ADAMTSL4: variants seen among roughly 807,000 people sequenced by gnomAD.
ADAMTSL4 encodes ADAMTS like 4, also known as ADAMTS-like protein 4.
ADAMTSL4 carries 97 observed loss-of-function variants against 122.8 expected under a neutral mutation model. The observed-to-expected ratio is 0.79, with a 90% CI of 0.67 to 0.93. ADAMTSL4 has a LOEUF of 0.93. Among genes scored for constraint, ADAMTSL4 ranks in the 40% least tolerant of loss-of-function variants. The probability of loss-of-function intolerance (pLI) is 0.00; values close to 1 mark genes in which losing one functional copy is unlikely to be tolerated. For missense variants in ADAMTSL4, 1,408 were observed against 1,453.5 expected (o/e 0.97, Z 0.51); for synonymous variants, 592 against 568.0 (o/e 1.04, Z -0.60).
rs1671942682 is a variant in ADAMTSL4 at position 150,555,551 on chromosome 1, G to A, written c.1357G>A (p.Ala453Thr). Reference protein sequence around the residue: ...CQPGAPDICVAGRCLSPGCDG... With the variant: ...CQPGAPDICVTGRCLSPGCDG... ...GCCTGGAGCCCCTGACATCTGTGTGGCTGGACGCTGTCTGGTGAGGGAAGA... is the reference window on the plus strand; with the variant it reads ...GCCTGGAGCCCCTGACATCTGTGTGACTGGACGCTGTCTGGTGAGGGAAGA... Residue 453 changes from alanine (A) to threonine (T), a missense_variant, in exon 8 of 19, where the codon GCT becomes ACT. By Grantham distance (58) the Ala-to-Thr change is moderately conservative. Transcript: ENST00000271643. The A allele has an allele frequency of 3.7e-6, 6 of 1,613,998 alleles. No homozygotes were observed. Among genetic ancestry groups the A allele is most frequent in the South Asian group, 3.3e-5 (3 of 91,090 alleles).
At position 150,552,959 on chromosome 1, in the gene ADAMTSL4, G is replaced by A. The variant is rs1570923415; in HGVS notation, c.140G>A (p.Trp47Ter). 1 of 1,613,102 alleles carries A rather than the reference G, an allele frequency of 6.2e-7. No individual in the cohort carries two copies. Among genetic ancestry groups the A allele is most frequent in the East Asian group, 2.2e-5 (1 of 44,880 alleles). Residue 47 changes from tryptophan (W) to a stop codon, truncating the protein, a stop_gained, in exon 5 of 19, where the codon TGG becomes TAG. Coordinates refer to ENST00000271643, the MANE Select transcript of ADAMTSL4 (RefSeq NM_019032.6). LOFTEE classifies it high-confidence loss of function. This position sits in a 1 kb window ranked among gnomAD's most constrained non-coding sequence, Gnocchi z 4.0. ...GAGGGCCAGGGCCCCGAAGGTGTCT[G>A]GGGACCTTGGGTCCAGTGGGCCTCT... ...TEEGQGPEGV[W>*]GPWVQWASCS...
At position 150,557,842 on chromosome 1, in the gene ADAMTSL4, C is replaced by G. The variant is rs587664303; in HGVS notation, c.2178-103C>G. 506 of 1,469,794 alleles carry G rather than the reference C, an allele frequency of 3.4e-4. 2 individuals are homozygous for G. The South Asian group carries it at 5.6e-3, about 16-fold the overall frequency. 91.0% of individuals were successfully genotyped at this position (1,469,794 alleles called of 1,614,324 possible). A position where few individuals can be genotyped will look rare whatever the true frequency, so the allele number is the denominator to read the frequency against. On this transcript the variant is annotated intron_variant, in intron 13 of 18. Transcript: ENST00000271643. ...AAACGCCAAACGTGCCCACTCTCCT[C>G]TGAGGCCCCCACGTCCAGTGTGTCT...
At position 150,557,040 on chromosome 1, in the gene ADAMTSL4, G is replaced by A; in HGVS notation, c.1851G>A (p.Gln617=). 1 of 1,607,334 alleles carries A rather than the reference G, an allele frequency of 6.2e-7. No homozygotes were observed. The highest frequency in any genetic ancestry group is 8.5e-7 in the Non-Finnish European group (1 of 1,176,702). ...ENPTPEPPVP[Q]LQPEILRVEP... is the part of the protein sequence containing the mutation. ...CCACCCCAGAGCCCCCTGTCCCCCAGCTTCAGCCGGGTAAGACTCTGACCC... is the reference window on the plus strand; with the variant it reads ...CCACCCCAGAGCCCCCTGTCCCCCAACTTCAGCCGGGTAAGACTCTGACCC... The change falls in exon 11 of 19, where the codon CAG becomes CAA. Residue 617 remains glutamine (Q), a synonymous_variant. Transcript: ENST00000271643.
rs1560291880 is a variant in ADAMTSL4 at position 150,555,023 on chromosome 1, T to G, written c.1235-406T>G. On this transcript the variant is annotated intron_variant, in intron 7 of 18. Coordinates refer to ENST00000271643, the MANE Select transcript of ADAMTSL4 (RefSeq NM_019032.6). ...TTTTTTTTCTGAGACAGAGTCTCAC[T>G]CTGTCACCCAGGCTGGAGTACAGTG... Among the ~76,000 whole-genome samples the G allele has an allele frequency of 2.7e-5, 4 of 146,756 alleles. No individual in the cohort carries two copies. The South Asian group carries it at 8.8e-4, about 32-fold the overall frequency.
chr1:150,551,073 A>C, intron 2 of ADAMTSL4: 1 of 450,226 alleles, frequency 2.2e-6, no homozygotes, highest in Non-Finnish European at 4.5e-6. Flanking sequence ...AGAAGGGGGC[A>C]AAGAGAGTCA....
Position 150,558,583 on chromosome 1 carries a change from C to G in ADAMTSL4, c.2493C>G (p.Pro831=). 2 of 1,613,836 alleles carry G rather than the reference C, an allele frequency of 1.2e-6. No individual in the cohort carries two copies. Among genetic ancestry groups the G allele is most frequent in the African/African-American group, 1.3e-5 (1 of 75,040 alleles). Residue 831 remains proline (P), a synonymous_variant, in exon 15 of 19, where the codon CCC becomes CCG. Transcript: ENST00000271643. Reference sequence around the variant, plus strand: ...GTGCGTCAGGCCCCCCGCAGCCCCCCAGCAGAGAGGCCTGTGACATGGGGC... The same window carrying G: ...GTGCGTCAGGCCCCCCGCAGCCCCCGAGCAGAGAGGCCTGTGACATGGGGC... ...QECASGPPQP[P]SREACDMGPC...
chr1:150,559,917 C>T lies in ADAMTSL4; in HGVS notation c.3088+12C>T. 6.2e-7 allele frequency: 1 copy of T among 1,613,846 alleles called. No individual in the cohort carries two copies. The highest frequency in any genetic ancestry group is 8.5e-7 in the Non-Finnish European group (1 of 1,180,022). ...CAGCCAGCGCCCTGGTAAAGAGCCC[C>T]CTCTCCCCAATCCCCAATACAGTGG... is the stretch of plus-strand genomic sequence containing the variant. On this transcript the variant is annotated intron_variant, in intron 18 of 18. Transcript: ENST00000271643. The surrounding 1 kb of genome is among the most constrained non-coding windows in gnomAD (Gnocchi z 4.1).
intron 13 of ADAMTSL4, 70 bp downstream of exon 13, chr1:150,557,693 C>T (rs1672318883): frequency 6.6e-7 from 1 of 1,520,008 alleles, no homozygotes; most frequent in Non-Finnish European, 8.9e-7. Flanking sequence ...AGAATCTTAC[C>T]TGAACTCTGC....
chr1:150,550,950 T>G, intron 2 of ADAMTSL4: 1 of 456,342 alleles, frequency 2.2e-6, no homozygotes, highest in Non-Finnish European at 4.4e-6. Context: ...GAGGGCTCCC[T>G]GGATTCCTCT....
chr1:150,559,665 C>CCAA lies in ADAMTSL4; in HGVS notation c.2944-95_2944-94insAAC. 1.2e-6 allele frequency: 2 copies of CCAA among 1,601,426 alleles called. No homozygotes were observed. The highest frequency in any genetic ancestry group is 2.2e-5 in the South Asian group (2 of 90,336). On this transcript the variant is annotated intron_variant, in intron 17 of 18. Coordinates refer to ENST00000271643, the MANE Select transcript of ADAMTSL4 (RefSeq NM_019032.6). This position sits in a 1 kb window ranked among gnomAD's most constrained non-coding sequence, Gnocchi z 4.1. ...GATTTCACAATGTCCTAGGAGGGTC[C>CCAA]CCACCACCACCTTTTGGGGAGAGAG...
Position 150,557,577 on chromosome 1 carries a change from C to A in ADAMTSL4, c.2131C>A (p.Pro711Thr), listed in dbSNP as rs770704761. 6.2e-7 allele frequency: 1 copy of A among 1,603,518 alleles called. No homozygotes were observed. The highest frequency in any genetic ancestry group is 1.7e-5 in the Admixed American group (1 of 58,452). ...ACGCAGCTGTGCCGCGGGTGCCAGG[C>A]CCCCAGCCTCCCCTGAACCCTGCCA... ...DERSCAAGAR[P>T]PASPEPCHGT... Residue 711 changes from proline (P) to threonine (T), a missense_variant, in exon 13 of 19, where the codon CCC (proline) becomes ACC (threonine). Coordinates refer to ENST00000271643, the MANE Select transcript of ADAMTSL4 (RefSeq NM_019032.6).
chr1:150,555,628 T>C, intron 8 of ADAMTSL4, 63 bp downstream of exon 8: 2 of 1,575,446 alleles, frequency 1.3e-6, no homozygotes, highest in Middle Eastern at 1.7e-4. Flanking sequence ...CATGCCCCCA[T>C]ATGCATACAC....
rs1281361235 is a variant in ADAMTSL4, at chr1:150,554,528, G to A, written c.1234+61G>A. 13 of 1,605,884 alleles carry A rather than the reference G, an allele frequency of 8.1e-6. No individual in the cohort carries two copies. The highest frequency in any genetic ancestry group is 1.1e-5 in the Non-Finnish European group (13 of 1,176,244). On this transcript the variant is annotated intron_variant, in intron 7 of 18. Coordinates refer to ENST00000271643, the MANE Select transcript of ADAMTSL4 (RefSeq NM_019032.6). This position sits in a 1 kb window ranked among gnomAD's most constrained non-coding sequence, Gnocchi z 4.0. ...TTGGAATTGGGGATGAAGGGGAGAG[G>A]AGATACCTGCTTACTCCCAGCCCTG...
chr1:150,557,322 G>A lies in ADAMTSL4; in HGVS notation c.2034G>A (p.Ala678=), dbSNP rs376824524. ...WKRVGHSACS[A]SCGKGVWRPI... ...GAGTGGGACACTCTGCATGCTCAGC[G>A]TCCTGCGGGAAAGGTGAGACATCAC... The change falls in exon 12 of 19, where the codon GCG becomes GCA. Residue 678 remains alanine (A), a synonymous_variant. Coordinates refer to ENST00000271643, the MANE Select transcript of ADAMTSL4 (RefSeq NM_019032.6). The A allele has an allele frequency of 6.8e-6, 11 of 1,610,944 alleles. No homozygotes were observed. The highest frequency in any genetic ancestry group is 2.7e-5 in the African/African-American group (2 of 74,826).
In ADAMTSL4 at chr1:150,552,210, A is replaced by G; in HGVS notation, c.-79A>G. 6.9e-7 allele frequency: 1 copy of G among 1,456,038 alleles called. No individual in the cohort carries two copies. The highest frequency in any genetic ancestry group is 1.2e-5 in the South Asian group (1 of 80,804). The allele number at this position is 1,456,038 out of a possible 1,614,324, so 90.2% of individuals were successfully genotyped here. ...CCAGGCTTCTGTCCCTGCAGAGAGCACCCTCCACGCCCAGATGCCTGCGTA... is the reference window on the plus strand; with the variant it reads ...CCAGGCTTCTGTCCCTGCAGAGAGCGCCCTCCACGCCCAGATGCCTGCGTA... On this transcript the variant is annotated 5_prime_UTR_variant, in exon 3 of 19. Transcript: ENST00000271643. The surrounding 1 kb of genome is among the most constrained non-coding windows in gnomAD (Gnocchi z 4.0).
At chr1:150,550,034 C>CATG (rs1671237392) in intron 2 of ADAMTSL4, 139 bp downstream of exon 2, 1 of 326,196 alleles carries the variant, frequency 3.1e-6, no homozygotes, top group African/African-American at 2.2e-5. Context: ...AGGGATTCTC[C>CATG]ATGGCTAGGC....
Position 150,553,736 on chromosome 1 carries a change from C to A in ADAMTSL4, c.745C>A (p.Leu249Ile). ...GGCCCCCAGAACCAGGCCTGCCCCC[C>A]TACGGCATCACCCCAGAGCCCAGGC... is the stretch of plus-strand genomic sequence containing the variant. ...EVAPRTRPAP[L>I]RHHPRAQASG... is the part of the protein sequence containing the mutation. The change falls in exon 6 of 19, where the codon CTA becomes ATA. Residue 249 changes from leucine (L) to isoleucine (I), a missense_variant. Physicochemically the swap from Leu to Ile is conservative, Grantham distance 5. Coordinates refer to ENST00000271643, the MANE Select transcript of ADAMTSL4 (RefSeq NM_019032.6). The A allele has an allele frequency of 6.2e-7, 1 of 1,613,582 alleles. No individual in the cohort carries two copies. Among genetic ancestry groups the A allele is most frequent in the Non-Finnish European group, 8.5e-7 (1 of 1,179,710 alleles).
At chr1:150,555,621 G>GC in intron 8 of ADAMTSL4, 56 bp downstream of exon 8, 1 of 1,572,884 alleles carries the variant, frequency 6.4e-7, no homozygotes, top group Non-Finnish European at 8.6e-7. Context: ...ACAGACACAT[G>GC]CCCCCATATG....
chr1:150,554,549 C>G lies in ADAMTSL4; in HGVS notation c.1234+82C>G. ...AGAGGAGATACCTGCTTACTCCCAG[C>G]CCTGAATGACTTCCAGCCCCTCTGC... On this transcript the variant is annotated intron_variant, in intron 7 of 18. Coordinates refer to ENST00000271643, the MANE Select transcript of ADAMTSL4 (RefSeq NM_019032.6). This position sits in a 1 kb window ranked among gnomAD's most constrained non-coding sequence, Gnocchi z 4.0. The G allele has an allele frequency of 6.3e-7, 1 of 1,582,854 alleles. No individual in the cohort carries two copies. Among genetic ancestry groups the G allele is most frequent in the Non-Finnish European group, 8.6e-7 (1 of 1,164,272 alleles).
Sources: allele counts gnomAD v4.1 joint callset (sites outside exome capture counted in the v4.1 genomes callset), GRCh38; gene constraint gnomAD v4.1.1; non-coding constraint Gnocchi (gnomAD v3.1); transcripts MANE v1.5; gene names NCBI Gene and HGNC (gene_info 2026-07-23, HGNC 2026-07-21).